ALMS1: variants seen among roughly 807,000 people sequenced by gnomAD.
ALMS1 encodes ALMS1 centrosome and basal body associated protein.
Under a neutral mutation model 352.2 loss-of-function variants are expected in ALMS1, and 271 were observed. The ratio of observed to expected loss-of-function variants is 0.77; its 90% CI spans 0.70 to 0.85. The LOEUF (loss-of-function observed/expected upper bound fraction) is 0.85, where lower values mean the gene tolerates loss of function less well. Among genes scored for constraint, ALMS1 ranks in the 40% least tolerant of loss-of-function variants. ALMS1 has a pLI of 0.00. For synonymous variants in ALMS1, 1,865 were observed against 1,761.2 expected (o/e 1.06, Z -1.48); for missense variants, 5,445 against 4,870.7 (o/e 1.12, Z -3.51).
chr2:73,489,544 C>T (rs537972629), intron 9 of ALMS1, 90 bp from the exon 10 acceptor site: 17 of 1,430,546 alleles, frequency 1.2e-5, no homozygotes, highest in South Asian at 3.5e-5. Context: ...CTAATCTTAG[C>T]GTGGGTATAA....
intron 7 of ALMS1, among the ~76,000 whole-genome samples, chr2:73,442,602 A>C (rs1671740409): frequency 6.6e-6 from 1 of 152,222 alleles, no homozygotes; most frequent in African/African-American, 2.4e-5. Flanking sequence ...AAGGCATGAA[A>C]GAGTCTCGAT....
At chr2:73,573,755 T>G (rs376938266) in intron 16 of ALMS1, among the ~76,000 whole-genome samples, 4 of 38,102 alleles carry the variant, frequency 1.0e-4, no homozygotes, top group Non-Finnish European at 1.6e-4. Flanking sequence ...TTTATTTGGG[T>G]TTTTTTTTTT....
At chr2:73,522,229 T>A (rs1312008958) in intron 11 of ALMS1, among the ~76,000 whole-genome samples, 5 of 152,206 alleles carry the variant, frequency 3.3e-5, no homozygotes, top group Non-Finnish European at 7.3e-5. Flanking sequence ...ATTGTAATTT[T>A]GTCCAATCGT....
In ALMS1 at chr2:73,599,454, C is replaced by T. The variant is rs80009262; in HGVS notation, c.11601C>T (p.Phe3867=). The change falls in exon 17 of 23, where the codon TTC becomes TTT. Residue 3867 remains phenylalanine (F), a synonymous_variant. Coordinates refer to ENST00000613296, the MANE Select transcript of ALMS1 (RefSeq NM_001378454.1). The stretch of plus-strand genomic sequence containing the variant: ...CTATTTCCTCTTCTGCCAGTAGTTT[C>T]CTGAGCTCAAACTCTACTTTTTGCA... ...SDSISSSASS[F]LSSNSTFCNK... The T allele has an allele frequency of 3.4e-4, 545 of 1,613,550 alleles. 2 individuals are homozygous for T. In the African/African-American group the frequency reaches 6.5e-3, roughly 19 times the overall value.
At chr2:73,546,374 A>G (rs554323445) in intron 12 of ALMS1, among the ~76,000 whole-genome samples, 167 of 152,172 alleles carry the variant, frequency 1.1e-3, no homozygotes, top group African/African-American at 3.9e-3. Context: ...GTTTTTAATG[A>G]TGGGAAGCTG....
chr2:73,510,786 C>T (rs555409559), intron 10 of ALMS1, among the ~76,000 whole-genome samples: 2 of 152,266 alleles, frequency 1.3e-5, no homozygotes, highest in Middle Eastern at 3.4e-3. Flanking sequence ...CAGGCAGGAA[C>T]GTTTAAGTCT....
At position 73,419,104 on chromosome 2, in the gene ALMS1, T is replaced by A. The variant is rs768590349; in HGVS notation, c.451-19T>A. 6.2e-7 allele frequency: 1 copy of A among 1,601,746 alleles called. No homozygotes were observed. Among genetic ancestry groups the A allele is most frequent in the Admixed American group, 1.7e-5 (1 of 59,986 alleles). ...ACTCAGTTAATGACTTAGCATGTTT[T>A]CCTTTAACATTTTTCTAGAAAACAG... On this transcript the variant is annotated intron_variant, in intron 2 of 22. Transcript: ENST00000613296.
chr2:73,517,004 G>GT (rs1673571722), intron 10 of ALMS1, among the ~76,000 whole-genome samples: 5 of 151,950 alleles, frequency 3.3e-5, no homozygotes, highest in African/African-American at 1.2e-4. Flanking sequence ...CCATGAGTAT[G>GT]AATGAGATTT....
At chr2:73,511,222 G>A (rs185928845) in intron 10 of ALMS1, among the ~76,000 whole-genome samples, 60 of 151,908 alleles carry the variant, frequency 3.9e-4, no homozygotes, top group African/African-American at 1.4e-3. Context: ...CATTCCAGGC[G>A]CCACTGGAGT....
chr2:73,422,782 C>CT (rs34710403), intron 3 of ALMS1, 75 bp from the exon 4 acceptor site: 2 of 1,222,818 alleles, frequency 1.6e-6, no homozygotes, highest in South Asian at 2.4e-5. Context: ...TATGTAGGTG[C>CT]TTTAAAGTAT....
intron 11 of ALMS1, among the ~76,000 whole-genome samples, chr2:73,523,416 T>C (rs1456834151): frequency 1.3e-5 from 2 of 152,286 alleles, no homozygotes; most frequent in Non-Finnish European, 2.9e-5. Context: ...ATTGCCAAAA[T>C]GTCATCAGAA....
chr2:73,608,403 AGAG>A, intron 21 of ALMS1, 69 bp from the exon 22 acceptor site: 2 of 1,189,686 alleles, frequency 1.7e-6, no homozygotes, highest in South Asian at 2.4e-5. Flanking sequence ...AGGGATGATG[AGAG>A]GAGATCTCAT....
rs1672970226 is a variant in ALMS1 at position 73,490,928 on chromosome 2, G to T, written c.8969G>T (p.Gly2990Val). Reference sequence around the variant, plus strand: ...AAACACCATTTTCCCCTTCCTCAAGGTCAGGATTGTGTAGTGGAAAAGAAT... The same window carrying T: ...AAACACCATTTTCCCCTTCCTCAAGTTCAGGATTGTGTAGTGGAAAAGAAT... ...MNKHHFPLPQ[G>V]QDCVVEKNNQ... Residue 2990 changes from glycine (G) to valine (V), a missense_variant, in exon 10 of 23, where the codon GGT (glycine) becomes GTT (valine). Gly to Val is a moderately radical substitution (Grantham distance 109). Transcript: ENST00000613296. The T allele has an allele frequency of 1.2e-6, 2 of 1,614,022 alleles. No individual in the cohort carries two copies. The highest frequency in any genetic ancestry group is 2.2e-5 in the South Asian group (2 of 91,080).
chr2:73,514,669 T>C (rs1673521301), intron 10 of ALMS1, among the ~76,000 whole-genome samples: 1 of 152,222 alleles, frequency 6.6e-6, no homozygotes, highest in Non-Finnish European at 1.5e-5. Flanking sequence ...GTGTTCTGCA[T>C]TCTTTCTAGC....
intron 8 of ALMS1, 99 bp downstream of exon 8, chr2:73,454,166 A>T: frequency 2.7e-6 from 4 of 1,503,918 alleles, no homozygotes; most frequent in Non-Finnish European, 3.5e-6. Flanking sequence ...GAAAAATACA[A>T]GCAAGATCAA....
chr2:73,399,298 G>A (rs543869726), intron 1 of ALMS1, among the ~76,000 whole-genome samples: 1 of 152,138 alleles, frequency 6.6e-6, no homozygotes, highest in African/African-American at 2.4e-5. Flanking sequence ...GTGAGAGGGT[G>A]TATTATGTCG....
In ALMS1 at chr2:73,490,173, A is replaced by T. The variant is rs553393206; in HGVS notation, c.8214A>T (p.Glu2738Asp). ...CTGTTGTTAAGGTTGGTGTTACTGA[A>T]GGTAGCCAGTGTACTGGAGCATCTG... ...NSSVVKVGVT[E>D]GSQCTGASVG... is the part of the protein sequence containing the mutation. The change falls in exon 10 of 23, where the codon GAA becomes GAT. Residue 2738 changes from glutamate (E) to aspartate (D), a missense_variant. Coordinates refer to ENST00000613296, the MANE Select transcript of ALMS1 (RefSeq NM_001378454.1). 2 of 1,614,060 alleles carry T rather than the reference A, an allele frequency of 1.2e-6. No individual in the cohort carries two copies. The highest frequency in any genetic ancestry group is 4.5e-5 in the East Asian group (2 of 44,892).
At chr2:73,473,094 A>C (rs1006893726) in intron 9 of ALMS1, among the ~76,000 whole-genome samples, 1 of 151,896 alleles carries the variant, frequency 6.6e-6, no homozygotes, top group South Asian at 2.1e-4. Flanking sequence ...GGATTGGACA[A>C]CTCCTCAGAG....
intron 12 of ALMS1, among the ~76,000 whole-genome samples, chr2:73,537,006 T>C (rs543934998): frequency 3.7e-4 from 57 of 152,260 alleles, no homozygotes; most frequent in Admixed American, 3.3e-3. Context: ...CTGGGCCTCT[T>C]TTAAAAGTTC....
Sources: gnomAD v4.1 joint callset for allele counts (sites outside exome capture counted in the v4.1 genomes callset) on GRCh38, gnomAD v4.1.1 for gene constraint, MANE v1.5 for transcripts, NCBI Gene and HGNC (gene_info 2026-07-23, HGNC 2026-07-21) for gene names.